The following RARB variants were observed in gnomAD, a reference collection of about 807,000 sequenced individuals.
RARB encodes the protein HBV-activated protein.
A neutral mutation model predicts 51.9 loss-of-function variants in RARB; 17 were observed. The ratio of observed to expected loss-of-function variants is 0.33; its 90% CI spans 0.22 to 0.49. The LOEUF (loss-of-function observed/expected upper bound fraction) is 0.49. RARB is among the 20% of genes least tolerant of loss of function. The pLI, the probability that RARB is intolerant of heterozygous loss-of-function variation, is 0.99. For missense variants in RARB, 369 were observed against 550.8 expected, an observed-to-expected ratio of 0.67 and a Z score of 3.30; for synonymous variants, 215 against 195.4, an observed-to-expected ratio of 1.10 and a Z score of -0.84.
intron 2 of RARB, among the ~76,000 whole-genome samples, chr3:25,474,931 C>CAGTATACATACA (rs1359503711): frequency 6.6e-6 from 1 of 152,114 alleles, no homozygotes; most frequent in Non-Finnish European, 1.5e-5. Context: ...ATGTTGTGTA[C>CAGTATACATACA]AGTATACATA....
intron 5 of RARB, among the ~76,000 whole-genome samples, chr3:25,225,406 G>T (rs1382074889): frequency 5.3e-5 from 8 of 152,040 alleles, no homozygotes. Context: ...CTTCTCTCTG[G>T]ATTCCATTTT....
intron 4 of RARB, among the ~76,000 whole-genome samples, chr3:25,163,532 T>C (rs1700510057): frequency 6.8e-6 from 1 of 146,484 alleles, no homozygotes; most frequent in South Asian, 2.2e-4. Context: ...TATATATATA[T>C]ATATATTTGT....
intron 2 of RARB, among the ~76,000 whole-genome samples, chr3:24,969,588 C>A (rs1050982955): frequency 6.6e-5 from 10 of 152,056 alleles, no homozygotes; most frequent in Admixed American, 4.6e-4. Flanking sequence ...TTCATTTCAC[C>A]ATACCAGAGC....
chr3:25,347,566 C>T (rs1705432121), intron 5 of RARB, among the ~76,000 whole-genome samples: 1 of 152,184 alleles, frequency 6.6e-6, no homozygotes, highest in African/African-American at 2.4e-5. Flanking sequence ...TTTGTGCAAA[C>T]TTATTTTTCC....
At chr3:25,513,364 G>A (rs554223171) in intron 3 of RARB, among the ~76,000 whole-genome samples, 1 of 152,026 alleles carries the variant, frequency 6.6e-6, no homozygotes, top group South Asian at 2.1e-4. Flanking sequence ...AAAGAAAAGG[G>A]TACCTAAGGA....
chr3:25,154,258 G>T (rs879361067), intron 4 of RARB, among the ~76,000 whole-genome samples: 3 of 152,108 alleles, frequency 2.0e-5, no homozygotes, highest in African/African-American at 4.8e-5. Context: ...CCAAAACTAC[G>T]TTCATCCTTT....
intron 2 of RARB, among the ~76,000 whole-genome samples, chr3:25,027,432 A>G (rs1396129353): frequency 6.6e-6 from 1 of 152,006 alleles, no homozygotes; most frequent in Non-Finnish European, 1.5e-5. Context: ...CCCCCATATG[A>G]TTTATAGGGA....
At chr3:24,952,714 C>T (rs1695923539) in intron 2 of RARB, among the ~76,000 whole-genome samples, 1 of 152,036 alleles carries the variant, frequency 6.6e-6, no homozygotes, top group Non-Finnish European at 1.5e-5. Flanking sequence ...AGCTCTCGCT[C>T]CCCCATTATC....
At chr3:24,922,869 A>T (rs1333605942) in intron 2 of RARB, among the ~76,000 whole-genome samples, 1 of 152,210 alleles carries the variant, frequency 6.6e-6, no homozygotes, top group Non-Finnish European at 1.5e-5. Context: ...AGACCCTTAG[A>T]GTCTTCATGG....
intron 3 of RARB, among the ~76,000 whole-genome samples, chr3:25,547,303 G>C (rs1478175302): frequency 6.6e-6 from 1 of 152,166 alleles, no homozygotes; most frequent in Admixed American, 6.5e-5. Context: ...GTGTCACCCT[G>C]GTGAAAGGCC....
intron 2 of RARB, among the ~76,000 whole-genome samples, chr3:24,870,816 G>A (rs1427014528): frequency 6.6e-6 from 1 of 152,068 alleles, no homozygotes; most frequent in African/African-American, 2.4e-5. Context: ...GGCATACAAT[G>A]TGTGATAATC....
At chr3:24,912,698 C>T (rs1257449424) in intron 2 of RARB, among the ~76,000 whole-genome samples, 1 of 152,120 alleles carries the variant, frequency 6.6e-6, no homozygotes, top group Non-Finnish European at 1.5e-5. Context: ...AATCTTTCTA[C>T]ATGATTAAAC....
chr3:25,501,136 G>A, intron 2 of RARB, 46 bp from the exon 3 acceptor site: 1 of 1,534,920 alleles, frequency 6.5e-7, no homozygotes, highest in Non-Finnish European at 8.7e-7. Context: ...TTCTGATGAA[G>A]CTCATTTGCT....
chr3:25,373,906 C>T (rs1027844478), intron 5 of RARB, among the ~76,000 whole-genome samples: 10 of 152,126 alleles, frequency 6.6e-5, no homozygotes, highest in East Asian at 3.9e-4. Flanking sequence ...GTAGCTCACA[C>T]GTGAGAAGCC....
chr3:25,588,660 C>T (rs1442667287), intron 5 of RARB, among the ~76,000 whole-genome samples: 2 of 152,158 alleles, frequency 1.3e-5, no homozygotes. Context: ...ATCAAGACCC[C>T]GGCCAGAGCT....
intron 5 of RARB, among the ~76,000 whole-genome samples, chr3:25,198,201 TG>T (rs1701295204): frequency 6.6e-6 from 1 of 152,134 alleles, no homozygotes. Context: ...TTAGTGGTCC[TG>T]GGAAAACTGG....
intron 5 of RARB, among the ~76,000 whole-genome samples, chr3:25,202,343 T>C (rs374962381): frequency 6.6e-6 from 1 of 152,128 alleles, no homozygotes; most frequent in South Asian, 2.1e-4. Context: ...TTATTAGTCT[T>C]CTTAGTGGTC....
At chr3:25,231,291 G>T (rs140160410) in intron 5 of RARB, among the ~76,000 whole-genome samples, 2 of 152,158 alleles carry the variant, frequency 1.3e-5, no homozygotes, top group Admixed American at 6.5e-5. Flanking sequence ...TCAGGAAATA[G>T]AAGCGTTTAC....
intron 4 of RARB, among the ~76,000 whole-genome samples, chr3:25,139,380 A>G (rs913633341): frequency 6.6e-6 from 1 of 152,174 alleles, no homozygotes; most frequent in Non-Finnish European, 1.5e-5. Flanking sequence ...GCACACTAAC[A>G]ATAATAAAAT....
Sources: allele counts gnomAD v4.1 joint callset (sites outside exome capture counted in the v4.1 genomes callset), GRCh38; gene constraint gnomAD v4.1.1; transcripts MANE v1.5; gene names NCBI Gene and HGNC (gene_info 2026-07-23, HGNC 2026-07-21).